The following DOCK3 variants were observed in gnomAD, a reference collection of about 807,000 sequenced individuals.
DOCK3 encodes the protein dedicator of cytokinesis protein 3.
A neutral mutation model predicts 265.6 loss-of-function variants in DOCK3; 60 were observed. That is an observed-to-expected ratio of 0.23 (90% CI 0.18 to 0.28). The LOEUF is 0.28. Ranked by LOEUF, DOCK3 falls within the 10% of genes least tolerant of loss-of-function variation. DOCK3 has a pLI of 1.00. For missense variants in DOCK3, 1,981 were observed against 2,594.3 expected, an observed-to-expected ratio of 0.76 and a Z score of 5.14; for synonymous variants, 881 against 938.0, an observed-to-expected ratio of 0.94 and a Z score of 1.11.
intron 5 of DOCK3, among the ~76,000 whole-genome samples, chr3:51,049,872 T>C (rs2080928220): frequency 6.6e-6 from 1 of 150,536 alleles, no homozygotes; most frequent in Non-Finnish European, 1.5e-5. Context: ...TTTTGTAAAG[T>C]TGCAGGGTAG....
At chr3:50,769,891 A>G (rs1278581953) in intron 1 of DOCK3, among the ~76,000 whole-genome samples, 1 of 151,614 alleles carries the variant, frequency 6.6e-6, no homozygotes, top group Non-Finnish European at 1.5e-5. Flanking sequence ...ATTGGGAAGG[A>G]GAAAGTCAAA....
intron 10 of DOCK3, among the ~76,000 whole-genome samples, chr3:51,149,426 A>G (rs527874123): frequency 1.3e-5 from 2 of 152,254 alleles, no homozygotes; most frequent in South Asian, 4.1e-4. Context: ...CCAGTTTTCA[A>G]TGGGAATGCT....
At chr3:50,807,999 A>T (rs1267549089) in intron 2 of DOCK3, among the ~76,000 whole-genome samples, 4 of 152,200 alleles carry the variant, frequency 2.6e-5, no homozygotes, top group African/African-American at 4.8e-5. Flanking sequence ...AGTCTCCCAG[A>T]GTGCTGGGAT....
intron 3 of DOCK3, among the ~76,000 whole-genome samples, chr3:50,889,256 T>G (rs1329946172): frequency 2.6e-5 from 4 of 151,942 alleles, no homozygotes; most frequent in Non-Finnish European, 5.9e-5. Flanking sequence ...GCTAACTTTC[T>G]AATTGTTTGT....
chr3:51,141,930 G>A (rs1225203030), intron 9 of DOCK3, among the ~76,000 whole-genome samples: 1 of 148,418 alleles, frequency 6.7e-6, no homozygotes, highest in Non-Finnish European at 1.5e-5. Flanking sequence ...CTCTTAAATG[G>A]TCTTGAGAAT....
At chr3:50,848,441 T>G (rs977933752) in intron 3 of DOCK3, among the ~76,000 whole-genome samples, 50 of 152,346 alleles carry the variant, frequency 3.3e-4, no homozygotes, top group Admixed American at 3.3e-3. Context: ...TCTTTTTGTT[T>G]CCATGTTTAG....
At chr3:50,781,674 T>C (rs1379425211) in intron 2 of DOCK3, among the ~76,000 whole-genome samples, 1 of 152,198 alleles carries the variant, frequency 6.6e-6, no homozygotes, top group Non-Finnish European at 1.5e-5. Context: ...ACATTTGTTA[T>C]ATTGGTAAAC....
intron 9 of DOCK3, among the ~76,000 whole-genome samples, chr3:51,121,464 A>C (rs561674146): frequency 1.7e-4 from 26 of 152,304 alleles, no homozygotes; most frequent in African/African-American, 6.3e-4. Context: ...ATCCCAGGGA[A>C]GGCTTTTAGT....
intron 21 of DOCK3, among the ~76,000 whole-genome samples, chr3:51,245,139 G>A (rs1325100524): frequency 6.6e-6 from 1 of 151,982 alleles, no homozygotes; most frequent in Admixed American, 6.6e-5. Context: ...GACCAGCCTG[G>A]CCAACATGGT....
At chr3:51,025,811 T>G (rs2079789803) in intron 5 of DOCK3, among the ~76,000 whole-genome samples, 1 of 152,218 alleles carries the variant, frequency 6.6e-6, no homozygotes, top group Admixed American at 6.5e-5. Flanking sequence ...TCTACTTTTA[T>G]ATTTTATGCC....
At chr3:50,798,080 C>T (rs368629800) in intron 2 of DOCK3, among the ~76,000 whole-genome samples, 51 of 152,104 alleles carry the variant, frequency 3.4e-4, no homozygotes, top group East Asian at 1.2e-3. Context: ...CAAAAATATA[C>T]GGCAGTTAAG....
In DOCK3 at chr3:51,326,083, A is replaced by G. The variant is rs562505793; in HGVS notation, c.3403-4055A>G. Among the ~76,000 whole-genome samples, 10 of 151,494 alleles carry G rather than the reference A, an allele frequency of 6.6e-5. No individual in the cohort carries two copies. In the East Asian group the frequency reaches 1.9e-3, roughly 29 times the overall value. On this transcript the variant is annotated intron_variant, in intron 32 of 52. Coordinates refer to ENST00000266037, the MANE Select transcript of DOCK3 (RefSeq NM_004947.5). Reference sequence around the variant, plus strand: ...TTAAAAAAAAAAAAAGGCCAAAAAAATGAAATTGTTGTGTATATTGGTTTG... The same window carrying G: ...TTAAAAAAAAAAAAAGGCCAAAAAAGTGAAATTGTTGTGTATATTGGTTTG...
chr3:51,048,570 T>C (rs1214650580), intron 5 of DOCK3, among the ~76,000 whole-genome samples: 2 of 152,188 alleles, frequency 1.3e-5, no homozygotes, highest in Non-Finnish European at 2.9e-5. Flanking sequence ...TTTTAAATAA[T>C]TTCATGCAGG....
At chr3:51,168,890 T>C (rs1301344711) in intron 12 of DOCK3, among the ~76,000 whole-genome samples, 3 of 151,886 alleles carry the variant, frequency 2.0e-5, no homozygotes, top group Admixed American at 2.0e-4. Flanking sequence ...TAAACAAATT[T>C]ACAAGAAAAA....
rs941659476 is a variant in DOCK3, at chr3:51,235,437, T to C, written c.1918-908T>C. On this transcript the variant is annotated intron_variant, in intron 19 of 52. Transcript: ENST00000266037. Reference sequence around the variant, plus strand: ...TTGTCTCCAGCTAGCTAGAAGACAATGTAAAGAGAATGTGATAGCATTTTG... The same window carrying C: ...TTGTCTCCAGCTAGCTAGAAGACAACGTAAAGAGAATGTGATAGCATTTTG... 8.5e-5 allele frequency among the ~76,000 whole-genome samples: 13 copies of C among 152,306 alleles called. 1 individual carries two copies. The highest frequency in any genetic ancestry group is 3.1e-4 in the African/African-American group (13 of 41,572).
At chr3:50,758,649 C>G (rs1042429970) in intron 1 of DOCK3, among the ~76,000 whole-genome samples, 1 of 152,160 alleles carries the variant, frequency 6.6e-6, no homozygotes, top group African/African-American at 2.4e-5. Context: ...AGCTTGAACT[C>G]TGTACCCATT....
intron 5 of DOCK3, among the ~76,000 whole-genome samples, chr3:50,960,900 G>A (rs1459445937): frequency 6.6e-6 from 1 of 152,092 alleles, no homozygotes; most frequent in Non-Finnish European, 1.5e-5. Flanking sequence ...TAGTAAATGT[G>A]CAATTGTTCC....
chr3:51,061,014 A>G (rs1373731048), intron 5 of DOCK3, among the ~76,000 whole-genome samples: 3 of 152,194 alleles, frequency 2.0e-5, no homozygotes, highest in Non-Finnish European at 4.4e-5. Flanking sequence ...ACAATGAGAT[A>G]CCATCTCACA....
intron 23 of DOCK3, among the ~76,000 whole-genome samples, chr3:51,267,764 A>G (rs2080277201): frequency 1.3e-5 from 2 of 152,184 alleles, no homozygotes; most frequent in Non-Finnish European, 2.9e-5. Flanking sequence ...GTCATAGACT[A>G]GATAAAGAAA....
Sources: gnomAD v4.1 joint callset for allele counts (sites outside exome capture counted in the v4.1 genomes callset) on GRCh38, gnomAD v4.1.1 for gene constraint, MANE v1.5 for transcripts, NCBI Gene and HGNC (gene_info 2026-07-23, HGNC 2026-07-21) for gene names.